Variants in SUGCT observed in about 807,000 individuals in gnomAD.
SUGCT encodes succinyl-CoA:glutarate-CoA transferase, also known as succinyl-CoA:glutarate CoA-transferase.
A neutral mutation model predicts 55.0 loss-of-function variants in SUGCT; 41 were observed. The ratio of observed to expected loss-of-function variants is 0.74; its 90% CI spans 0.58 to 0.97. The LOEUF is 0.97. SUGCT is among the 50% of genes least tolerant of loss of function. The probability of loss-of-function intolerance (pLI) is 0.00; values close to 1 mark genes in which losing one functional copy is unlikely to be tolerated. For synonymous variants in SUGCT, 187 were observed against 200.4 expected, an observed-to-expected ratio of 0.93 and a Z score of 0.56; for missense variants, 568 against 547.8, an observed-to-expected ratio of 1.04 and a Z score of -0.37.
At chr7:40,174,155 T>G (rs969897421) in intron 1 of SUGCT, among the ~76,000 whole-genome samples, 8 of 152,120 alleles carry the variant, frequency 5.3e-5, no homozygotes, top group African/African-American at 1.9e-4. Context: ...TTCAAGTAGC[T>G]GGGATTACAG....
chr7:40,565,993 GCACACACACACACACACACA>G (rs376444246), intron 12 of SUGCT, among the ~76,000 whole-genome samples: 1 of 123,948 alleles, frequency 8.1e-6, no homozygotes. Flanking sequence ...ACACACACAC[GCACACACACACACACACACA>G]CACACACACA....
chr7:40,709,352 A>T (rs1214456313), intron 12 of SUGCT, among the ~76,000 whole-genome samples: 1 of 152,224 alleles, frequency 6.6e-6, no homozygotes. Context: ...AAGTGGATTC[A>T]TGTGCACAGG....
intron 1 of SUGCT, among the ~76,000 whole-genome samples, chr7:40,178,976 G>C (rs915890209): frequency 2.0e-5 from 3 of 151,386 alleles, no homozygotes; most frequent in Non-Finnish European, 2.9e-5. Context: ...TTCTTATCTC[G>C]ATCTTTCTGC....
At chr7:40,992,599 G>GA in the SUGCT span, among the ~76,000 whole-genome samples, 2,360 of 152,178 alleles carry the variant, frequency 0.016, 58 homozygotes, top group African/African-American at 0.052. Flanking sequence ...TAGGATCTGT[G>GA]AAAACTGCTT....
At chr7:40,775,326 C>G (rs1386399818) in intron 13 of SUGCT, among the ~76,000 whole-genome samples, 1 of 152,198 alleles carries the variant, frequency 6.6e-6, no homozygotes, top group Non-Finnish European at 1.5e-5. Context: ...TCCTTCTGCT[C>G]TCAACCACTA....
At chr7:40,271,793 G>A (rs561564043) in intron 7 of SUGCT, among the ~76,000 whole-genome samples, 34 of 151,750 alleles carry the variant, frequency 2.2e-4, no homozygotes, top group Non-Finnish European at 3.4e-4. Context: ...CCATCTAAGC[G>A]TATGTTTGTA....
chr7:40,325,818 A>C (rs917794172), intron 9 of SUGCT, among the ~76,000 whole-genome samples: 3 of 152,114 alleles, frequency 2.0e-5, no homozygotes, highest in African/African-American at 7.2e-5. Flanking sequence ...ACAAAACAAA[A>C]CAAACAACAA....
intron 9 of SUGCT, among the ~76,000 whole-genome samples, chr7:40,321,102 A>T (rs1584673835): frequency 9.2e-6 from 1 of 108,870 alleles, no homozygotes; most frequent in Admixed American, 1.1e-4. Context: ...TTTGAAGTGG[A>T]GTCTCACTCT....
chr7:41,006,624 A>G, the SUGCT span, among the ~76,000 whole-genome samples: 1 of 152,190 alleles, frequency 6.6e-6, no homozygotes, highest in Admixed American at 6.5e-5. Context: ...TGCTTAAAGA[A>G]ATATGCTTGT....
the SUGCT span, among the ~76,000 whole-genome samples, chr7:40,880,683 T>C: frequency 6.6e-6 from 1 of 152,188 alleles, no homozygotes; most frequent in Admixed American, 6.5e-5. Flanking sequence ...TTTAAAACAG[T>C]TTAAAAAATC....
chr7:40,261,429 C>A (rs1162944696), intron 7 of SUGCT, among the ~76,000 whole-genome samples: 2 of 152,176 alleles, frequency 1.3e-5, no homozygotes, highest in Admixed American at 6.5e-5. Flanking sequence ...GTTAACACCT[C>A]TCAGCCTCAT....
chr7:40,619,032 A>G (rs1042446092), intron 12 of SUGCT, among the ~76,000 whole-genome samples: 1 of 152,152 alleles, frequency 6.6e-6, no homozygotes, highest in Non-Finnish European at 1.5e-5. Context: ...CTAACATTCA[A>G]CACTCCCTAC....
chr7:40,946,174 G>A, the SUGCT span, among the ~76,000 whole-genome samples: 1 of 151,652 alleles, frequency 6.6e-6, no homozygotes, highest in Admixed American at 6.6e-5. Flanking sequence ...GTGTTGATTG[G>A]CCTTCAGCTA....
At chr7:40,331,278 C>A (rs902201079) in intron 9 of SUGCT, among the ~76,000 whole-genome samples, 5 of 152,110 alleles carry the variant, frequency 3.3e-5, no homozygotes, top group Admixed American at 3.3e-4. Flanking sequence ...TTTTACACAC[C>A]CATCCTCTTT....
At chr7:40,835,077 C>T (rs551817671) in intron 13 of SUGCT, among the ~76,000 whole-genome samples, 75 of 152,272 alleles carry the variant, frequency 4.9e-4, no homozygotes, top group Admixed American at 1.2e-3. Flanking sequence ...ATATGATAGC[C>T]GCTAGCCACA....
chr7:40,995,881 A>G, the SUGCT span, among the ~76,000 whole-genome samples: 3 of 152,132 alleles, frequency 2.0e-5, no homozygotes, highest in African/African-American at 7.2e-5. Flanking sequence ...ATTTCTCTCC[A>G]GGTCATTTAT....
chr7:40,607,191 A>T (rs768309018), intron 12 of SUGCT, among the ~76,000 whole-genome samples: 1 of 151,794 alleles, frequency 6.6e-6, no homozygotes, highest in Non-Finnish European at 1.5e-5. Flanking sequence ...TACAGCCTCA[A>T]CCTCTGGGCT....
At chr7:40,765,996 C>A (rs1184930419) in intron 13 of SUGCT, among the ~76,000 whole-genome samples, 1 of 152,154 alleles carries the variant, frequency 6.6e-6, no homozygotes, top group Non-Finnish European at 1.5e-5. Context: ...AACATTCAAC[C>A]TTTCGTGTGA....
intron 12 of SUGCT, among the ~76,000 whole-genome samples, chr7:40,697,569 C>T (rs772470373): frequency 8.5e-5 from 13 of 152,136 alleles, no homozygotes; most frequent in Non-Finnish European, 1.5e-5. Flanking sequence ...ACCCGGGAGG[C>T]GGAGGTTGCA....
Sources: allele counts gnomAD v4.1 joint callset (sites outside exome capture counted in the v4.1 genomes callset), GRCh38; gene constraint gnomAD v4.1.1; transcripts MANE v1.5; gene names NCBI Gene and HGNC (gene_info 2026-07-23, HGNC 2026-07-21).